The following CCAR1 variants were observed in gnomAD, a reference collection of about 807,000 sequenced individuals.
CCAR1 encodes the protein cell division cycle and apoptosis regulator protein 1.
A neutral mutation model predicts 163.8 loss-of-function variants in CCAR1; 78 were observed. The ratio of observed to expected loss-of-function variants is 0.48; its 90% CI spans 0.40 to 0.57. The LOEUF (loss-of-function observed/expected upper bound fraction) is 0.57. Ranked by LOEUF, CCAR1 falls within the 20% of genes least tolerant of loss-of-function variation. CCAR1 has a pLI of 0.00. For synonymous variants in CCAR1, 443 were observed against 460.7 expected (o/e 0.96, Z 0.49); for missense variants, 1,019 against 1,365.2 (o/e 0.75, Z 4.00).
At chr10:68,772,021 C>T (rs566870607) in intron 18 of CCAR1, among the ~76,000 whole-genome samples, 1 of 151,974 alleles carries the variant, frequency 6.6e-6, no homozygotes, top group South Asian at 2.1e-4. Flanking sequence ...CAGGTGCACA[C>T]CACCTTGCCC....
chr10:68,749,072 ATCAGG>A, intron 8 of CCAR1, 59 bp from the exon 9 acceptor site: 1 of 1,586,270 alleles, frequency 6.3e-7, no homozygotes, highest in Non-Finnish European at 8.6e-7. Flanking sequence ...CTCTAATTTT[ATCAGG>A]TAATGCCTTC....
Position 68,791,329 on chromosome 10 carries a change from A to G in CCAR1, c.*63A>G. 3.5e-6 allele frequency: 4 copies of G among 1,156,380 alleles called. No individual in the cohort carries two copies. Among genetic ancestry groups the G allele is most frequent in the East Asian group, 2.5e-5 (1 of 40,330 alleles). The allele number at this position is 1,156,380 out of a possible 1,614,324, so 71.6% of individuals were successfully genotyped here. ...TGTAATATATAAAAATCATGATATAAGAATGTTTGAAGGTGATGCATGTTT... is the reference window on the plus strand; with the variant it reads ...TGTAATATATAAAAATCATGATATAGGAATGTTTGAAGGTGATGCATGTTT... On this transcript the variant is annotated 3_prime_UTR_variant, in exon 25 of 25. Transcript: ENST00000265872.
chr10:68,773,453 A>G (rs2056627044), intron 19 of CCAR1, among the ~76,000 whole-genome samples: 1 of 152,118 alleles, frequency 6.6e-6, no homozygotes, highest in African/African-American at 2.4e-5. Context: ...TTTGAGGTCA[A>G]GAGTTCCAAG....
At chr10:68,790,795 T>G (rs1217739295) in intron 24 of CCAR1, among the ~76,000 whole-genome samples, 1 of 146,950 alleles carries the variant, frequency 6.8e-6, no homozygotes, top group Non-Finnish European at 1.5e-5. Context: ...GATCACGAAG[T>G]CAGGAGATTG....
chr10:68,740,587 T>G, intron 4 of CCAR1, 42 bp from the exon 5 acceptor site: 1 of 1,560,964 alleles, frequency 6.4e-7, no homozygotes, highest in African/African-American at 1.4e-5. Context: ...GCAACAATTC[T>G]GATTGACCCT....
Position 68,753,882 on chromosome 10 carries a change from C to A in CCAR1, c.1149C>A (p.Arg383=). The part of the protein sequence containing the change: ...CPSCDMMELR[R]RYQNLYIPSD... ...GTTGTGACATGATGGAACTAAGGCGCCGTTATCAAAATTTGTATATACCTA... is the reference window on the plus strand; with the variant it reads ...GTTGTGACATGATGGAACTAAGGCGACGTTATCAAAATTTGTATATACCTA... The change falls in exon 11 of 25, where the codon CGC becomes CGA. Residue 383 remains arginine, a synonymous_variant. Transcript: ENST00000265872. The A allele has an allele frequency of 6.2e-7, 1 of 1,613,812 alleles. No homozygotes were observed. Among genetic ancestry groups the A allele is most frequent in the South Asian group, 1.1e-5 (1 of 91,066 alleles).
Position 68,788,346 on chromosome 10 carries a change from A to G in CCAR1, c.3187+18A>G. ...AAAAACAGGTAAGGGTCAGCTTTGA[A>G]TATGTTAATACTTTCAGCACCCTGC... On this transcript the variant is annotated intron_variant, in intron 23 of 24. Transcript: ENST00000265872. 1 of 1,528,886 alleles carries G rather than the reference A, an allele frequency of 6.5e-7. No individual in the cohort carries two copies. Among genetic ancestry groups the G allele is most frequent in the Non-Finnish European group, 8.7e-7 (1 of 1,144,102 alleles). The allele number at this position is 1,528,886 out of a possible 1,614,324, so 94.7% of individuals were successfully genotyped here. A position where few individuals can be genotyped will look rare whatever the true frequency, so the allele number is the denominator to read the frequency against.
intron 2 of CCAR1, among the ~76,000 whole-genome samples, chr10:68,724,073 G>A (rs973365107): frequency 2.0e-5 from 3 of 151,502 alleles, no homozygotes; most frequent in African/African-American, 4.9e-5. Context: ...CTGGAGAATC[G>A]CTTGAACGTG....
Position 68,753,961 on chromosome 10 carries a change from C to A in CCAR1, c.1228C>A (p.Pro410Thr). 1.2e-6 allele frequency: 2 copies of A among 1,613,858 alleles called. No individual in the cohort carries two copies. The highest frequency in any genetic ancestry group is 1.7e-6 in the Non-Finnish European group (2 of 1,179,846). ...TWVDAFPLSR[P>T]FQLGNYCNFY... ...GGTGGATGCTTTCCCTTTGTCAAGA[C>A]CATTTCAGCTGGGAAATTACTGCAA... The change falls in exon 11 of 25, where the codon CCA (proline) becomes ACA (threonine). Residue 410 changes from proline (P) to threonine (T), a missense_variant. Pro to Thr is a conservative substitution (Grantham distance 38). Coordinates refer to ENST00000265872, the MANE Select transcript of CCAR1 (RefSeq NM_018237.4).
chr10:68,730,167 G>T (rs544231753), intron 2 of CCAR1, among the ~76,000 whole-genome samples: 1 of 151,812 alleles, frequency 6.6e-6, no homozygotes, highest in Non-Finnish European at 1.5e-5. Context: ...TGATCCACCC[G>T]TGTCGTCTTC....
chr10:68,740,019 T>C (rs1374175446), intron 4 of CCAR1, among the ~76,000 whole-genome samples: 1 of 152,254 alleles, frequency 6.6e-6, no homozygotes, highest in Non-Finnish European at 1.5e-5. Flanking sequence ...TGGTCCTTCA[T>C]GGTCTCTGTG....
Position 68,740,504 on chromosome 10 carries a change from C to T in CCAR1, c.292-125C>T, listed in dbSNP as rs888032076. 12 of 787,726 alleles carry T rather than the reference C, an allele frequency of 1.5e-5. No homozygotes were observed. The African/African-American group carries it at 2.1e-4, about 14-fold the overall frequency. 48.8% of individuals were successfully genotyped at this position (787,726 alleles called of 1,614,324 possible). A position where few individuals can be genotyped will look rare whatever the true frequency, so the allele number is the denominator to read the frequency against. On this transcript the variant is annotated intron_variant, in intron 4 of 24. Transcript: ENST00000265872. ...TGGGCAACATAGTGAGACCTCGTTT[C>T]TGTTTAAATACATAAATAAAAATAA...
intron 4 of CCAR1, among the ~76,000 whole-genome samples, chr10:68,739,190 C>A (rs2056151494): frequency 6.6e-6 from 1 of 152,136 alleles, no homozygotes; most frequent in South Asian, 2.1e-4. Context: ...ATTTTTGTTG[C>A]CCAGGCTAGA....
At chr10:68,731,156 A>G (rs778820970) in intron 2 of CCAR1, among the ~76,000 whole-genome samples, 1 of 152,232 alleles carries the variant, frequency 6.6e-6, no homozygotes, top group Admixed American at 6.5e-5. Flanking sequence ...TTCAATATGT[A>G]TAATTGGAAA....
chr10:68,753,572 T>G (rs189101549), intron 10 of CCAR1, among the ~76,000 whole-genome samples: 152 of 152,330 alleles, frequency 1.0e-3, no homozygotes, highest in Non-Finnish European at 1.8e-3. Flanking sequence ...ACAGATCTTT[T>G]CTGGAGCTGA....
chr10:68,782,819 AAT>A (rs1289761494), intron 19 of CCAR1, among the ~76,000 whole-genome samples: 1 of 152,100 alleles, frequency 6.6e-6, no homozygotes, highest in Non-Finnish European at 1.5e-5. Context: ...GTTTTTACTA[AAT>A]ATTTTAAGCC....
rs1355038354 is a variant in CCAR1, at chr10:68,749,123, T to C, written c.827-13T>C. On this transcript the variant is annotated splice_polypyrimidine_tract_variant and intron_variant, in intron 8 of 24. Transcript: ENST00000265872. ...TAGACACGCTAAACGTTTTTTTCTT[T>C]TATCTTTTAAAGCTGGTTTATTGCA... The C allele has an allele frequency of 1.9e-6, 3 of 1,613,850 alleles. No homozygotes were observed. The highest frequency in any genetic ancestry group is 2.7e-5 in the African/African-American group (2 of 74,928).
intron 19 of CCAR1, 44 bp from the exon 20 acceptor site, chr10:68,786,092 T>C: frequency 7.8e-7 from 1 of 1,282,026 alleles, no homozygotes; most frequent in Non-Finnish European, 1.1e-6. Flanking sequence ...CTTGAAAGTA[T>C]GTGTATTAAT....
At chr10:68,762,218 A>C (rs1380364177) in intron 16 of CCAR1, among the ~76,000 whole-genome samples, 2 of 152,016 alleles carry the variant, frequency 1.3e-5, no homozygotes, top group Non-Finnish European at 2.9e-5. Context: ...AGTCCCAGCT[A>C]CTGGGGAGGC....
Sources: allele counts gnomAD v4.1 joint callset (sites outside exome capture counted in the v4.1 genomes callset), GRCh38; gene constraint gnomAD v4.1.1; transcripts MANE v1.5; gene names NCBI Gene and HGNC (gene_info 2026-07-23, HGNC 2026-07-21).